The following CDC73 variants were observed in gnomAD, a reference collection of about 807,000 sequenced individuals.
The protein encoded by CDC73 is parafibromin.
CDC73 carries 21 observed loss-of-function variants against 83.7 expected under a neutral mutation model. That is an observed-to-expected ratio of 0.25 (90% CI 0.18 to 0.36). CDC73 has a LOEUF of 0.36. CDC73 is among the 10% of genes least tolerant of loss of function. The probability of loss-of-function intolerance (pLI) is 1.00; values close to 1 mark genes in which losing one functional copy is unlikely to be tolerated. For synonymous variants in CDC73, 224 were observed against 212.9 expected, an observed-to-expected ratio of 1.05 and a Z score of -0.45; for missense variants, 342 against 653.3, an observed-to-expected ratio of 0.52 and a Z score of 5.19.
chr1:193,246,106 T>C (rs1041839928), intron 15 of CDC73, among the ~76,000 whole-genome samples: 7 of 152,170 alleles, frequency 4.6e-5, no homozygotes, highest in African/African-American at 1.7e-4. Context: ...GTTGTTTCCT[T>C]TACTGTGCAG....
intron 6 of CDC73, 113 bp from the exon 7 acceptor site, chr1:193,141,737 T>G (rs1034285348): frequency 2.8e-6 from 2 of 722,524 alleles, no homozygotes; most frequent in Non-Finnish European, 4.8e-6. Context: ...AAGAAAACCT[T>G]AATTATTGCC....
chr1:193,216,937 C>G (rs1677377961), intron 13 of CDC73, among the ~76,000 whole-genome samples: 1 of 152,080 alleles, frequency 6.6e-6, no homozygotes, highest in Non-Finnish European at 1.5e-5. Flanking sequence ...AGGAACATAC[C>G]TCAAACTAAT....
intron 10 of CDC73, among the ~76,000 whole-genome samples, chr1:193,193,835 G>T (rs1337660971): frequency 6.8e-6 from 1 of 146,468 alleles, no homozygotes; most frequent in Non-Finnish European, 1.5e-5. Context: ...GTGTGTTGTG[G>T]GGCAGTGATG....
At chr1:193,124,549 C>T (rs903790471) in intron 1 of CDC73, among the ~76,000 whole-genome samples, 1 of 152,156 alleles carries the variant, frequency 6.6e-6, no homozygotes, top group Non-Finnish European at 1.5e-5. Flanking sequence ...AGAGATCTTG[C>T]ACCGTTAGTA....
chr1:193,244,762 T>G (rs899458739), intron 15 of CDC73, among the ~76,000 whole-genome samples: 2 of 152,196 alleles, frequency 1.3e-5, no homozygotes, highest in Non-Finnish European at 2.9e-5. Context: ...AGAACCCCTC[T>G]CTAAATACTA....
chr1:193,141,191 C>G (rs1675900493), intron 6 of CDC73: 1 of 152,146 alleles, frequency 6.6e-6, no homozygotes, highest in African/African-American at 2.4e-5. Context: ...TGATAAAAGA[C>G]ACTTTGCTTA....
chr1:193,182,859 T>C (rs1385931783), intron 10 of CDC73, among the ~76,000 whole-genome samples: 1 of 152,070 alleles, frequency 6.6e-6, no homozygotes, highest in Admixed American at 6.6e-5. Flanking sequence ...GAGAAAACTT[T>C]TTGACAAGGA....
At chr1:193,178,138 T>TG (rs1336227019) in intron 10 of CDC73, among the ~76,000 whole-genome samples, 1 of 152,148 alleles carries the variant, frequency 6.6e-6, no homozygotes, top group Non-Finnish European at 1.5e-5. Context: ...TGAGTATTGT[T>TG]GCGGAAAAGT....
At chr1:193,226,510 T>C (rs1677569836) in intron 13 of CDC73, among the ~76,000 whole-genome samples, 1 of 152,196 alleles carries the variant, frequency 6.6e-6, no homozygotes, top group South Asian at 2.1e-4. Context: ...CCAATTTTGC[T>C]GAGAGTTTGA....
intron 10 of CDC73, among the ~76,000 whole-genome samples, chr1:193,195,110 A>G (rs925118346): frequency 6.6e-6 from 1 of 152,122 alleles, no homozygotes; most frequent in South Asian, 2.1e-4. Context: ...CTGAGAGTGC[A>G]TTCTCTTCTA....
intron 1 of CDC73, chr1:193,122,657 T>C: frequency 3.4e-6 from 1 of 292,814 alleles, no homozygotes; most frequent in Non-Finnish European, 6.6e-6. Context: ...TACCTGAACA[T>C]AGGTGCACAA....
chr1:193,210,532 T>C (rs1224038206), intron 11 of CDC73, among the ~76,000 whole-genome samples: 1 of 152,062 alleles, frequency 6.6e-6, no homozygotes, highest in Non-Finnish European at 1.5e-5. Context: ...TGTGTTAGGT[T>C]ATTATTACCA....
chr1:193,161,581 A>G (rs1676309171), intron 10 of CDC73, among the ~76,000 whole-genome samples: 1 of 125,506 alleles, frequency 8.0e-6, no homozygotes, highest in East Asian at 2.1e-4. Context: ...ATTATTATAT[A>G]ATATATAATA....
intron 10 of CDC73, among the ~76,000 whole-genome samples, chr1:193,202,545 A>G (rs1035602997): frequency 2.0e-5 from 3 of 151,582 alleles, no homozygotes; most frequent in Non-Finnish European, 2.9e-5. Flanking sequence ...ATACACCAAT[A>G]TATATTAATA....
At chr1:193,152,872 C>T (rs545015217) in intron 10 of CDC73, among the ~76,000 whole-genome samples, 24 of 152,154 alleles carry the variant, frequency 1.6e-4, no homozygotes, top group Middle Eastern at 3.4e-3. Flanking sequence ...CTCCGCCTCC[C>T]GGGTTCACGC....
intron 10 of CDC73, among the ~76,000 whole-genome samples, chr1:193,173,951 T>G (rs1044058735): frequency 1.3e-5 from 2 of 152,176 alleles, no homozygotes; most frequent in African/African-American, 2.4e-5. Context: ...CTGATTTTTG[T>G]TGGTGACAAA....
chr1:193,176,334 A>C (rs896564684), intron 10 of CDC73, among the ~76,000 whole-genome samples: 8 of 152,174 alleles, frequency 5.3e-5, no homozygotes, highest in Non-Finnish European at 1.2e-4. Flanking sequence ...TATACACAAG[A>C]ACTGTTTTGC....
intron 10 of CDC73, among the ~76,000 whole-genome samples, chr1:193,196,693 C>T (rs1677007942): frequency 1.3e-5 from 2 of 152,058 alleles, no homozygotes; most frequent in East Asian, 3.9e-4. Flanking sequence ...CTAAGTATTT[C>T]ATTCTTTTTA....
intron 10 of CDC73, among the ~76,000 whole-genome samples, chr1:193,183,383 A>T (rs1220204707): frequency 6.7e-6 from 1 of 149,590 alleles, no homozygotes; most frequent in African/African-American, 2.5e-5. Context: ...GATGTGAACA[A>T]TTTTTTTAAG....
Sources: allele counts gnomAD v4.1 joint callset (sites outside exome capture counted in the v4.1 genomes callset), GRCh38; gene constraint gnomAD v4.1.1; transcripts MANE v1.5; gene names NCBI Gene and HGNC (gene_info 2026-07-23, HGNC 2026-07-21).